DDX60L: variants seen among roughly 807,000 people sequenced by gnomAD.
The protein encoded by DDX60L is DExD/H-box 60 like, also known as probable ATP-dependent RNA helicase DDX60-like.
In DDX60L, 191 loss-of-function variants were observed where a neutral mutation model predicts 211.6. The ratio of observed to expected loss-of-function variants is 0.90; its 90% confidence interval spans 0.80 to 1.02. The LOEUF is 1.02. DDX60L is among the 50% of genes least tolerant of loss of function. DDX60L has a pLI of 0.00. For synonymous variants in DDX60L, 706 were observed against 694.1 expected (o/e 1.02, Z -0.27); for missense variants, 2,007 against 1,984.1 (o/e 1.01, Z -0.22).
Position 168,393,755 on chromosome 4 carries a change from A to G in DDX60L, c.3810+710T>C, listed in dbSNP as rs549676514. On this transcript the variant is annotated intron_variant, in intron 28 of 37. Transcript: ENST00000682922. ...GCAAGTTTTTTCCAATTCTTAAAAA[A>G]GAAATGTCTTTCTCTTAGCTGAGGT... Among the ~76,000 whole-genome samples, 5 of 152,354 alleles carry G rather than the reference A, an allele frequency of 3.3e-5. No individual in the cohort carries two copies. In the South Asian group the frequency reaches 1.0e-3, roughly 32 times the overall value.
chr4:168,449,651 G>GAAAAAAAAAAAAAAAAAAAAAAAAAA (rs1561098576), intron 8 of DDX60L, among the ~76,000 whole-genome samples: 1 of 7,516 alleles, frequency 1.3e-4, no homozygotes, highest in Non-Finnish European at 2.2e-4. Context: ...AAAAAAAAAT[G>GAAAAAAAAAAAAAAAAAAAAAAAAAA]CAAAAAAAAA....
intron 29 of DDX60L, among the ~76,000 whole-genome samples, chr4:168,386,016 G>A (rs1196392620): frequency 1.3e-5 from 2 of 148,916 alleles, no homozygotes; most frequent in South Asian, 4.2e-4. Flanking sequence ...GAGAAGGGGA[G>A]AGAGAGAGGG....
chr4:168,385,780 C>A (rs914903222), intron 29 of DDX60L, among the ~76,000 whole-genome samples: 1 of 152,126 alleles, frequency 6.6e-6, no homozygotes, highest in East Asian at 1.9e-4. Context: ...AAGCAGTTTG[C>A]GTTTTGCTCA....
At chr4:168,417,765 A>G (rs1307603191) in intron 19 of DDX60L, among the ~76,000 whole-genome samples, 2 of 152,226 alleles carry the variant, frequency 1.3e-5, no homozygotes, top group South Asian at 2.1e-4. Context: ...CTTTGGTTCA[A>G]TAATGCAAAT....
intron 12 of DDX60L, among the ~76,000 whole-genome samples, chr4:168,431,978 A>T (rs1048573997): frequency 6.6e-6 from 1 of 152,174 alleles, no homozygotes; most frequent in Non-Finnish European, 1.5e-5. Context: ...AAATGTTAGG[A>T]AGACTATGGC....
At chr4:168,436,850 A>G (rs1008113765) in intron 10 of DDX60L, among the ~76,000 whole-genome samples, 2 of 152,202 alleles carry the variant, frequency 1.3e-5, no homozygotes, top group African/African-American at 4.8e-5. Context: ...TAGGACTGCC[A>G]TCTTGCCATT....
At chr4:168,475,632 T>C (rs1759371271) in intron 1 of DDX60L, among the ~76,000 whole-genome samples, 1 of 146,958 alleles carries the variant, frequency 6.8e-6, no homozygotes, top group Admixed American at 7.1e-5. Flanking sequence ...AGAGTAGGAA[T>C]GCTATTATTA....
chr4:168,393,773 G>A (rs1369487238), intron 28 of DDX60L, among the ~76,000 whole-genome samples: 1 of 152,106 alleles, frequency 6.6e-6, no homozygotes, highest in Non-Finnish European at 1.5e-5. Flanking sequence ...CTTTCTCTTA[G>A]CTGAGGTATG....
chr4:168,462,765 A>G (rs540442209), intron 4 of DDX60L, among the ~76,000 whole-genome samples: 5 of 152,132 alleles, frequency 3.3e-5, no homozygotes, highest in Non-Finnish European at 5.9e-5. Flanking sequence ...GTGAGCCGAG[A>G]TCATGCCACT....
At chr4:168,453,347 C>T (rs1756070339) in intron 7 of DDX60L, 65 bp from the exon 8 acceptor site, 1 of 1,493,934 alleles carries the variant, frequency 6.7e-7, no homozygotes, top group Non-Finnish European at 9.1e-7. Flanking sequence ...TTGAAATAGG[C>T]ACTCCACGAA....
intron 36 of DDX60L, among the ~76,000 whole-genome samples, chr4:168,365,551 A>G (rs1739830677): frequency 2.6e-5 from 4 of 151,882 alleles, no homozygotes; most frequent in African/African-American, 9.7e-5. Flanking sequence ...GAAAAAAAAA[A>G]AAGCCCACGA....
chr4:168,431,347 G>C (rs535619473), intron 12 of DDX60L, among the ~76,000 whole-genome samples: 1 of 152,004 alleles, frequency 6.6e-6, no homozygotes, highest in Non-Finnish European at 1.5e-5. Flanking sequence ...TGCTTTTTCC[G>C]TGTCTGTGTA....
chr4:168,363,743 C>A (rs1394641661), intron 36 of DDX60L, among the ~76,000 whole-genome samples: 1 of 152,046 alleles, frequency 6.6e-6, no homozygotes, highest in Non-Finnish European at 1.5e-5. Flanking sequence ...CTTAGCACCA[C>A]AGAAAACCAC....
chr4:168,404,845 A>C (rs1017509769), intron 24 of DDX60L, among the ~76,000 whole-genome samples: 3 of 152,204 alleles, frequency 2.0e-5, no homozygotes, highest in Non-Finnish European at 4.4e-5. Flanking sequence ...TATGGCTATC[A>C]TGAATAATTT....
intron 29 of DDX60L, among the ~76,000 whole-genome samples, chr4:168,388,973 T>A (rs1579314978): frequency 6.6e-6 from 1 of 152,038 alleles, no homozygotes; most frequent in Non-Finnish European, 1.5e-5. Context: ...ACTTTTGGAG[T>A]CCCTGGGAGG....
At chr4:168,394,700 C>T in intron 27 of DDX60L, 83 bp from the exon 28 acceptor site, 1 of 1,296,236 alleles carries the variant, frequency 7.7e-7, no homozygotes, top group Non-Finnish European at 1.1e-6. Context: ...GACATTTTCA[C>T]AAGCAAATCA....
chr4:168,421,261 T>A (rs980444098), intron 17 of DDX60L, among the ~76,000 whole-genome samples: 8 of 152,198 alleles, frequency 5.3e-5, no homozygotes, highest in East Asian at 1.9e-4. Flanking sequence ...AATACTATAG[T>A]CATCATTTTT....
At chr4:168,417,823 CGTGACAATTGG>C (rs1561027007) in intron 19 of DDX60L, among the ~76,000 whole-genome samples, 1 of 152,138 alleles carries the variant, frequency 6.6e-6, no homozygotes. Context: ...CAGAATACAT[CGTGACAATTGG>C]GTCTCAGCTG....
chr4:168,420,442 G>A, intron 17 of DDX60L, 62 bp from the exon 18 acceptor site: 1 of 1,431,718 alleles, frequency 7.0e-7, no homozygotes, highest in East Asian at 2.6e-5. Flanking sequence ...AAAACCTTGA[G>A]GACAACCGAA....
Sources: allele counts gnomAD v4.1 joint callset (sites outside exome capture counted in the v4.1 genomes callset), GRCh38; gene constraint gnomAD v4.1.1; transcripts MANE v1.5; gene names NCBI Gene and HGNC (gene_info 2026-07-23, HGNC 2026-07-21).